The following DPY30 variants were observed in gnomAD, a reference collection of about 807,000 sequenced individuals.
DPY30 encodes the protein protein dpy-30 homolog.
DPY30 carries 6 observed loss-of-function variants against 16.2 expected under a neutral mutation model. The ratio of observed to expected loss-of-function variants is 0.37; its 90% CI spans 0.20 to 0.73. DPY30 has a LOEUF of 0.73. Among genes scored for constraint, DPY30 ranks in the 30% least tolerant of loss-of-function variants. The pLI, the probability that DPY30 is intolerant of heterozygous loss-of-function variation, is 0.51. For missense variants in DPY30, 73 were observed against 113.1 expected, an observed-to-expected ratio of 0.65 and a Z score of 1.61; for synonymous variants, 39 against 38.8, an observed-to-expected ratio of 1.00 and a Z score of -0.02.
chr2:32,019,833 AAAAT>A (rs369840310), downstream of DPY30, among the ~76,000 whole-genome samples: 8,631 of 135,484 alleles, frequency 0.064, 244 homozygotes, highest in Middle Eastern at 0.1. Context: ...AAAAAAAAAA[AAAAT>A]ATATATATAT....
At position 32,029,738 on chromosome 2, in the gene DPY30, T is replaced by C; in HGVS notation, c.85-2A>G. The C allele has an allele frequency of 6.2e-7, 1 of 1,613,922 alleles. No individual in the cohort carries two copies. The highest frequency in any genetic ancestry group is 2.2e-5 in the East Asian group (1 of 44,856). The stretch of plus-strand genomic sequence containing the variant: ...AATCTTCTCATTTTCTACTATTCTC[T>C]AGTGAATTCAAAAAAACAGTGCATG... On this transcript the variant is annotated splice_acceptor_variant, in intron 3 of 4. Coordinates refer to ENST00000342166, the MANE Select transcript of DPY30 (RefSeq NM_001321209.2). LOFTEE classifies it high-confidence loss of function.
At chr2:32,034,002 C>A (rs1675645144) in intron 3 of DPY30, among the ~76,000 whole-genome samples, 1 of 151,784 alleles carries the variant, frequency 6.6e-6, no homozygotes, top group Non-Finnish European at 1.5e-5. Context: ...AGAACTTGAA[C>A]AGAGCCTAGT....
downstream of DPY30, among the ~76,000 whole-genome samples, chr2:32,020,666 G>A (rs1675159353): frequency 1.3e-5 from 2 of 151,970 alleles, no homozygotes. Context: ...ACAGCTTTTT[G>A]TTCAATTATA....
At chr2:32,033,346 C>T (rs2148666400) in intron 3 of DPY30, among the ~76,000 whole-genome samples, 1 of 151,766 alleles carries the variant, frequency 6.6e-6, no homozygotes, top group South Asian at 2.1e-4. Context: ...AGTTACATGA[C>T]ATTACAATGC....
chr2:32,037,945 C>T (rs1443524309), intron 3 of DPY30, among the ~76,000 whole-genome samples: 1 of 151,900 alleles, frequency 6.6e-6, no homozygotes, highest in Non-Finnish European at 1.5e-5. Flanking sequence ...ATAGTAATAG[C>T]TGTTAATATT....
intron 3 of DPY30, among the ~76,000 whole-genome samples, chr2:32,032,443 A>G (rs1383360222): frequency 1.3e-5 from 2 of 152,228 alleles, no homozygotes; most frequent in Non-Finnish European, 2.9e-5. Flanking sequence ...CCCCTAAATC[A>G]AAATCCACTA....
chr2:32,031,849 C>T (rs1298810157), intron 3 of DPY30, among the ~76,000 whole-genome samples: 1 of 145,810 alleles, frequency 6.9e-6, no homozygotes, highest in Non-Finnish European at 1.5e-5. Context: ...GCCAAGATTG[C>T]GCCACTGCAC....
intron 3 of DPY30, among the ~76,000 whole-genome samples, chr2:32,033,667 G>A (rs750105497): frequency 3.9e-5 from 6 of 152,170 alleles, no homozygotes; most frequent in African/African-American, 7.2e-5. Flanking sequence ...GCAAAACTCC[G>A]TCTCAAAACA....
chr2:32,025,614 T>C (rs1675302504), intron 4 of DPY30, among the ~76,000 whole-genome samples: 1 of 151,180 alleles, frequency 6.6e-6, no homozygotes, highest in Admixed American at 6.6e-5. Flanking sequence ...TACAAAAAAT[T>C]AGCCGGGCGT....
chr2:32,024,626 G>A (rs1045200110), intron 4 of DPY30, among the ~76,000 whole-genome samples: 1 of 152,168 alleles, frequency 6.6e-6, no homozygotes, highest in African/African-American at 2.4e-5. Flanking sequence ...AGCTACACAG[G>A]TATGTTTAGT....
downstream of DPY30, among the ~76,000 whole-genome samples, chr2:32,021,250 T>A (rs1675173970): frequency 6.6e-6 from 1 of 151,782 alleles, no homozygotes; most frequent in Non-Finnish European, 1.5e-5. Flanking sequence ...AGAGCGAGAC[T>A]CCGTCTAAAA....
intron 3 of DPY30, among the ~76,000 whole-genome samples, chr2:32,035,795 ATGG>A (rs1558592715): frequency 6.6e-6 from 1 of 151,678 alleles, no homozygotes; most frequent in African/African-American, 2.4e-5. Context: ...TTAGCTGGGC[ATGG>A]TAGCGGGTGC....
rs995640022 is a variant in DPY30 at position 32,024,036 on chromosome 2, T to A, written c.*148A>T. ...TGATTAAATCAAAATAAGGGAAATA[T>A]GTTATCTTCTGCAATTCCAGAAATA... On this transcript the variant is annotated 3_prime_UTR_variant, in exon 5 of 5. Transcript: ENST00000342166. 2 of 1,486,922 alleles carry A rather than the reference T, an allele frequency of 1.3e-6. No individual in the cohort carries two copies. The highest frequency in any genetic ancestry group is 2.6e-5 in the Admixed American group (1 of 37,802). 92.1% of individuals were successfully genotyped at this position (1,486,922 alleles called of 1,614,324 possible). A position where few individuals can be genotyped will look rare whatever the true frequency, so the allele number is the denominator to read the frequency against.
chr2:32,012,984 TAAAC>T (rs1472107395), intron 5 of DPY30: 3 of 152,186 alleles, frequency 2.0e-5, no homozygotes, highest in African/African-American at 7.2e-5. Flanking sequence ...TGGATACAAT[TAAAC>T]AAAGAAAGCT....
At chr2:32,037,981 C>T (rs1355797832) in intron 3 of DPY30, among the ~76,000 whole-genome samples, 1 of 152,026 alleles carries the variant, frequency 6.6e-6, no homozygotes, top group East Asian at 1.9e-4. Flanking sequence ...CACACACACT[C>T]TTAAGTAATT....
chr2:32,028,708 T>C (rs1372173760), intron 4 of DPY30, among the ~76,000 whole-genome samples: 5 of 152,150 alleles, frequency 3.3e-5, no homozygotes, highest in Non-Finnish European at 7.4e-5. Flanking sequence ...GCAGAATCTC[T>C]TGAACTCATG....
chr2:32,027,004 G>A (rs577895294), intron 4 of DPY30, among the ~76,000 whole-genome samples: 8 of 150,140 alleles, frequency 5.3e-5, no homozygotes, highest in South Asian at 4.2e-4. Context: ...GGCCAGGCAC[G>A]ATGGCTCACA....
intron 5 of DPY30, among the ~76,000 whole-genome samples, chr2:32,017,522 CAGA>C (rs951215855): frequency 1.2e-4 from 18 of 150,908 alleles, no homozygotes; most frequent in African/African-American, 4.4e-4. Context: ...GAGGCTGAGG[CAGA>C]AGAAGCTTCT....
chr2:32,017,165 G>C lies in DPY30; in HGVS notation n.378-5113C>G, dbSNP rs527262949. On this transcript the variant is annotated intron_variant and non_coding_transcript_variant, in intron 5 of 5. Coordinates refer to the DPY30 transcript ENST00000414013. The stretch of plus-strand genomic sequence containing the variant: ...CCCAAAGTGCTGGGATTACAGGCGT[G>C]AGCCACGGCGCCCGGCCATATAGTA... Among the ~76,000 whole-genome samples the C allele has an allele frequency of 7.9e-5, 12 of 152,240 alleles. No individual in the cohort carries two copies. The South Asian group carries it at 1.9e-3, about 24-fold the overall frequency.
Sources: allele counts gnomAD v4.1 joint callset (sites outside exome capture counted in the v4.1 genomes callset), GRCh38; gene constraint gnomAD v4.1.1; transcripts MANE v1.5; gene names NCBI Gene and HGNC (gene_info 2026-07-23, HGNC 2026-07-21).